The following KHDRBS2 variants were observed in gnomAD, a reference collection of about 807,000 sequenced individuals.
KHDRBS2 encodes the protein KH domain-containing, RNA-binding, signal transduction-associated protein 2.
Under a neutral mutation model 44.3 loss-of-function variants are expected in KHDRBS2, and 26 were observed. That is an observed-to-expected ratio of 0.59 (90% CI 0.43 to 0.81). The LOEUF (loss-of-function observed/expected upper bound fraction) is 0.81. KHDRBS2 is among the 40% of genes least tolerant of loss of function. KHDRBS2 has a pLI of 0.00. For missense variants in KHDRBS2, 476 were observed against 433.1 expected, an observed-to-expected ratio of 1.10 and a Z score of -0.88; for synonymous variants, 194 against 151.1, an observed-to-expected ratio of 1.28 and a Z score of -2.08.
At chr6:62,022,278 G>C (rs1157188810) in intron 3 of KHDRBS2, among the ~76,000 whole-genome samples, 1 of 151,608 alleles carries the variant, frequency 6.6e-6, no homozygotes, top group Non-Finnish European at 1.5e-5. Flanking sequence ...ATGTTATGAA[G>C]TAAAAATGTA....
At chr6:62,096,587 TTTTA>T (rs1460007298) in intron 2 of KHDRBS2, among the ~76,000 whole-genome samples, 6 of 151,876 alleles carry the variant, frequency 4.0e-5, no homozygotes, top group Non-Finnish European at 8.8e-5. Flanking sequence ...TTATCTCTGA[TTTTA>T]TTTATCGGAG....
In KHDRBS2 at chr6:61,779,474, C is replaced by G. The variant is rs533800171; in HGVS notation, c.811-46710G>C. ...TCAAAAAAACTTTTAATTAACATCACAAGAAGAAAAAAGTATGGTAACCTG... is the reference window on the plus strand; with the variant it reads ...TCAAAAAAACTTTTAATTAACATCAGAAGAAGAAAAAAGTATGGTAACCTG... On this transcript the variant is annotated intron_variant, in intron 6 of 8. Transcript: ENST00000281156. Among the ~76,000 whole-genome samples, 21 of 151,960 alleles carry G rather than the reference C, an allele frequency of 1.4e-4. No individual in the cohort carries two copies. The South Asian group carries it at 4.1e-3, about 30-fold the overall frequency.
In KHDRBS2 at chr6:61,978,052, T is replaced by G; in HGVS notation, c.483+14A>C. ...TGATAAGAAACATCTTTGTAAAAAA[T>G]GAAAGACACTTACAGGAACCAGGAA... is the stretch of plus-strand genomic sequence containing the variant. On this transcript the variant is annotated intron_variant, in intron 4 of 8. Transcript: ENST00000281156. 6.4e-7 allele frequency: 1 copy of G among 1,567,870 alleles called. No individual in the cohort carries two copies. The highest frequency in any genetic ancestry group is 1.2e-5 in the South Asian group (1 of 82,696).
At chr6:61,780,214 T>G (rs1355335820) in intron 6 of KHDRBS2, among the ~76,000 whole-genome samples, 2 of 152,172 alleles carry the variant, frequency 1.3e-5, no homozygotes, top group Non-Finnish European at 1.5e-5. Context: ...AAAACACTTG[T>G]TGAAGGCCGG....
intron 8 of KHDRBS2, among the ~76,000 whole-genome samples, chr6:61,684,376 A>ATTT (rs1350928603): frequency 6.6e-6 from 1 of 151,886 alleles, no homozygotes; most frequent in Non-Finnish European, 1.5e-5. Flanking sequence ...ACATAGGGAG[A>ATTT]GACAAATCAT....
At chr6:61,971,394 T>C (rs766245299) in intron 4 of KHDRBS2, among the ~76,000 whole-genome samples, 23 of 152,092 alleles carry the variant, frequency 1.5e-4, no homozygotes, top group Admixed American at 5.2e-4. Flanking sequence ...GATCACTTAA[T>C]CAAGGAAGGG....
At chr6:61,574,607 T>C in the KHDRBS2 span, among the ~76,000 whole-genome samples, 122,529 of 152,010 alleles carry the variant, frequency 0.81, 49,862 homozygotes, top group African/African-American at 0.91. Context: ...ATAATTTGAC[T>C]AACGGAACAA....
At chr6:61,605,968 G>C in the KHDRBS2 span, among the ~76,000 whole-genome samples, 1 of 152,180 alleles carries the variant, frequency 6.6e-6, no homozygotes, top group South Asian at 2.1e-4. Context: ...CACCACAAAA[G>C]AAGTGAAAAT....
At chr6:61,598,128 A>T in the KHDRBS2 span, among the ~76,000 whole-genome samples, 89 of 151,086 alleles carry the variant, frequency 5.9e-4, 2 homozygotes, top group Middle Eastern at 3.5e-3. Flanking sequence ...GACTGTGAGG[A>T]GTCTGCCTTG....
chr6:61,647,101 G>A, the KHDRBS2 span, among the ~76,000 whole-genome samples: 2 of 148,918 alleles, frequency 1.3e-5, no homozygotes. Flanking sequence ...TGACAGGTGT[G>A]AGCCACTGTG....
chr6:62,158,126 C>T (rs1562970928), intron 2 of KHDRBS2, among the ~76,000 whole-genome samples: 2 of 152,142 alleles, frequency 1.3e-5, no homozygotes, highest in Non-Finnish European at 2.9e-5. Flanking sequence ...TTATTAGTGT[C>T]TTAATCATTC....
chr6:61,933,607 T>G (rs1440012439), intron 4 of KHDRBS2, among the ~76,000 whole-genome samples: 5 of 152,204 alleles, frequency 3.3e-5, no homozygotes, highest in African/African-American at 1.2e-4. Flanking sequence ...TAGGCTTATA[T>G]AGTATAGCCT....
At chr6:61,767,051 G>T (rs866420208) in intron 6 of KHDRBS2, among the ~76,000 whole-genome samples, 1 of 152,006 alleles carries the variant, frequency 6.6e-6, no homozygotes, top group Non-Finnish European at 1.5e-5. Flanking sequence ...TGAAAATAGG[G>T]TGTTGAATTC....
chr6:61,781,415 G>A (rs966872519), intron 6 of KHDRBS2, among the ~76,000 whole-genome samples: 5 of 152,024 alleles, frequency 3.3e-5, no homozygotes, highest in African/African-American at 9.7e-5. Context: ...CTAGAAATTT[G>A]TTTTTGAAAA....
At chr6:62,145,544 ATG>A (rs202006742) in intron 2 of KHDRBS2, among the ~76,000 whole-genome samples, 1 of 151,718 alleles carries the variant, frequency 6.6e-6, no homozygotes, top group African/African-American at 2.4e-5. Context: ...GACCAATGTG[ATG>A]TTAAAGTAAT....
chr6:61,988,427 T>C (rs1017989937), intron 3 of KHDRBS2, among the ~76,000 whole-genome samples: 6 of 152,218 alleles, frequency 3.9e-5, no homozygotes, highest in African/African-American at 1.4e-4. Flanking sequence ...ATCTCAATGA[T>C]CTTCTCTTAT....
chr6:62,169,021 T>C (rs1370441204), intron 2 of KHDRBS2, among the ~76,000 whole-genome samples: 2 of 90,358 alleles, frequency 2.2e-5, no homozygotes, highest in Non-Finnish European at 4.5e-5. Context: ...AAGAATAGTG[T>C]TTGTTCTCCA....
intron 1 of KHDRBS2, among the ~76,000 whole-genome samples, chr6:62,187,539 T>C (rs1585117115): frequency 6.6e-6 from 1 of 152,312 alleles, no homozygotes; most frequent in Admixed American, 6.5e-5. Context: ...TGTAAGTTTA[T>C]ATACAAAATA....
At chr6:61,940,729 T>G (rs1811974642) in intron 4 of KHDRBS2, among the ~76,000 whole-genome samples, 2 of 152,178 alleles carry the variant, frequency 1.3e-5, no homozygotes, top group Non-Finnish European at 2.9e-5. Flanking sequence ...GAGTGGCTTC[T>G]ACTTCCAAGG....
Sources: allele counts gnomAD v4.1 joint callset (sites outside exome capture counted in the v4.1 genomes callset), GRCh38; gene constraint gnomAD v4.1.1; transcripts MANE v1.5; gene names NCBI Gene and HGNC (gene_info 2026-07-23, HGNC 2026-07-21).